The following ZBTB7C variants were observed in gnomAD, a reference collection of about 807,000 sequenced individuals.
The protein encoded by ZBTB7C is zinc finger and BTB domain containing 7C.
A neutral mutation model predicts 25.7 loss-of-function variants in ZBTB7C; 8 were observed. That is an observed-to-expected ratio of 0.31 (90% confidence interval 0.18 to 0.56). The LOEUF (loss-of-function observed/expected upper bound fraction) is 0.56, where lower values mean the gene tolerates loss of function less well. Among genes scored for constraint, ZBTB7C ranks in the 20% least tolerant of loss-of-function variants. ZBTB7C has a pLI of 0.91. For synonymous variants in ZBTB7C, 394 were observed against 369.0 expected, an observed-to-expected ratio of 1.07 and a Z score of -0.78; for missense variants, 824 against 855.2, an observed-to-expected ratio of 0.96 and a Z score of 0.46.
At chr18:48,410,139 G>A (rs2048366879), upstream of ZBTB7C, among the ~76,000 whole-genome samples, 1 of 152,210 alleles carries the variant, frequency 6.6e-6, no homozygotes, top group South Asian at 2.1e-4. Context: ...AGCAAGGAGT[G>A]GGGGCGAGAA....
intron 1 of ZBTB7C, among the ~76,000 whole-genome samples, chr18:48,344,231 A>T (rs1482411212): frequency 2.6e-5 from 4 of 152,114 alleles, no homozygotes; most frequent in Non-Finnish European, 4.4e-5. Context: ...TGATCCACCC[A>T]CCTCAGCCTC....
Position 48,158,234 on chromosome 18 carries a change from G to A in ZBTB7C, c.-17+27700C>T, listed in dbSNP as rs575019844. Among the ~76,000 whole-genome samples, 160 of 152,312 alleles carry A rather than the reference G, an allele frequency of 1.1e-3. 1 individual carries two copies. Among genetic ancestry groups the A allele is most frequent in the African/African-American group, 3.8e-3 (158 of 41,574 alleles). On this transcript the variant is annotated intron_variant, in intron 3 of 4. Transcript: ENST00000590800. ...GGATTTGTTTTGGTGGCTGCCAAAG[G>A]TGCCTATCAGGAACGACAGGTGATT...
chr18:48,225,657 ACT>A (rs1002042637), intron 2 of ZBTB7C, among the ~76,000 whole-genome samples: 1 of 151,864 alleles, frequency 6.6e-6, no homozygotes, highest in Non-Finnish European at 1.5e-5. Flanking sequence ...GGAGGAAGTG[ACT>A]CTGTAATTTC....
At chr18:48,172,550 C>A (rs777836778) in intron 3 of ZBTB7C, among the ~76,000 whole-genome samples, 1 of 152,120 alleles carries the variant, frequency 6.6e-6, no homozygotes, top group Admixed American at 6.5e-5. Flanking sequence ...GGGAGACCAG[C>A]GAGCTCTGAA....
chr18:48,264,484 G>T (rs1395675369), intron 2 of ZBTB7C, among the ~76,000 whole-genome samples: 2 of 152,162 alleles, frequency 1.3e-5, no homozygotes, highest in African/African-American at 4.8e-5. Flanking sequence ...GCTTGATGAA[G>T]GACCTTCTGG....
intron 1 of ZBTB7C, among the ~76,000 whole-genome samples, chr18:48,402,812 G>T (rs2145319919): frequency 6.6e-6 from 1 of 152,298 alleles, no homozygotes; most frequent in Admixed American, 6.5e-5. Flanking sequence ...GGGTGTTGTA[G>T]GATGTTTTTG....
At chr18:48,344,243 C>T (rs1272095692) in intron 1 of ZBTB7C, among the ~76,000 whole-genome samples, 1 of 152,184 alleles carries the variant, frequency 6.6e-6, no homozygotes, top group Non-Finnish European at 1.5e-5. Flanking sequence ...CTCAGCCTCC[C>T]AAAGTGATGG....
chr18:48,356,573 C>A (rs2046982186), intron 1 of ZBTB7C, among the ~76,000 whole-genome samples: 1 of 152,168 alleles, frequency 6.6e-6, no homozygotes, highest in Non-Finnish European at 1.5e-5. Context: ...TCTGCCCAGG[C>A]TAAAGCCCCT....
intron 3 of ZBTB7C, among the ~76,000 whole-genome samples, chr18:48,134,020 A>T (rs1228655118): frequency 6.6e-6 from 1 of 151,768 alleles, no homozygotes; most frequent in African/African-American, 2.4e-5. Flanking sequence ...ATATTGGGGG[A>T]AAATGCCTTT....
chr18:48,053,767 G>C (rs1041148480), intron 3 of ZBTB7C, among the ~76,000 whole-genome samples: 2 of 152,214 alleles, frequency 1.3e-5, no homozygotes, highest in Admixed American at 1.3e-4. Context: ...AGAAGCCACA[G>C]AAGAGTGGGA....
intron 3 of ZBTB7C, among the ~76,000 whole-genome samples, chr18:48,131,021 C>T (rs889772848): frequency 2.0e-5 from 3 of 152,096 alleles, no homozygotes; most frequent in Admixed American, 1.3e-4. Context: ...CTCCTGCCTC[C>T]GCCTCCCTAG....
At position 48,063,835 on chromosome 18, in the gene ZBTB7C, C is replaced by CT. The variant is rs527560012; in HGVS notation, c.-16-22713dup. On this transcript the variant is annotated intron_variant, in intron 3 of 4. Coordinates refer to ENST00000590800, the MANE Select transcript of ZBTB7C (RefSeq NM_001318841.2). ...CCATGGTAGAAATCATGCCAAATGC[C>CT]TTTTTTGTATCCAACCCAAAACTTC... is the stretch of plus-strand genomic sequence containing the variant. Among the ~76,000 whole-genome samples, 51 of 152,114 alleles carry CT rather than the reference C, an allele frequency of 3.4e-4. No individual in the cohort carries two copies. In the East Asian group the frequency reaches 7.3e-3, roughly 22 times the overall value.
intron 3 of ZBTB7C, among the ~76,000 whole-genome samples, chr18:48,058,021 T>A (rs1302376176): frequency 6.6e-6 from 1 of 152,222 alleles, no homozygotes; most frequent in Non-Finnish European, 1.5e-5. Flanking sequence ...TGACTCCAGT[T>A]ATCTGTTAGT....
At chr18:48,380,699 G>A (rs60034945) in intron 1 of ZBTB7C, among the ~76,000 whole-genome samples, 36,997 of 152,028 alleles carry the variant, frequency 0.24, 4,995 homozygotes, top group Non-Finnish European at 0.3. Context: ...GTGGTATCCC[G>A]ATGGGATCCT....
intron 3 of ZBTB7C, among the ~76,000 whole-genome samples, chr18:48,151,324 GGAT>G (rs2040670988): frequency 6.6e-6 from 1 of 152,124 alleles, no homozygotes; most frequent in African/African-American, 2.4e-5. Context: ...GCTAACATTA[GGAT>G]GAGCATCCTT....
At chr18:48,065,734 G>C (rs954781631) in intron 3 of ZBTB7C, among the ~76,000 whole-genome samples, 20 of 152,172 alleles carry the variant, frequency 1.3e-4, no homozygotes, top group African/African-American at 4.6e-4. Context: ...CTGGTGTGAA[G>C]CAGCCTCCAT....
chr18:48,157,627 C>A (rs546473445), intron 3 of ZBTB7C, among the ~76,000 whole-genome samples: 6 of 152,130 alleles, frequency 3.9e-5, no homozygotes, highest in Non-Finnish European at 8.8e-5. Flanking sequence ...AGCAGGGACT[C>A]GAAGGCAGAC....
At chr18:48,206,848 GA>G (rs1341124027) in intron 2 of ZBTB7C, among the ~76,000 whole-genome samples, 2 of 152,066 alleles carry the variant, frequency 1.3e-5, no homozygotes, top group Non-Finnish European at 2.9e-5. Context: ...GACCAGAAAG[GA>G]AAAGATTGAT....
intron 3 of ZBTB7C, among the ~76,000 whole-genome samples, chr18:48,099,299 T>C (rs562292473): frequency 1.2e-4 from 19 of 152,294 alleles, no homozygotes; most frequent in African/African-American, 4.3e-4. Flanking sequence ...GGAAAGAAAA[T>C]GTGACGCATG....
Sources: gnomAD v4.1 joint callset for allele counts (sites outside exome capture counted in the v4.1 genomes callset) on GRCh38, gnomAD v4.1.1 for gene constraint, MANE v1.5 for transcripts, NCBI Gene and HGNC (gene_info 2026-07-23, HGNC 2026-07-21) for gene names.